The following TIAM1 variants were observed in gnomAD, a reference collection of about 807,000 sequenced individuals.
The protein encoded by TIAM1 is rho guanine nucleotide exchange factor TIAM1.
Under a neutral mutation model 163.5 loss-of-function variants are expected in TIAM1, and 65 were observed. The ratio of observed to expected loss-of-function variants is 0.40; its 90% confidence interval spans 0.33 to 0.49. The LOEUF (loss-of-function observed/expected upper bound fraction) is 0.49. Ranked by LOEUF, TIAM1 falls within the 20% of genes least tolerant of loss-of-function variation. The pLI, the probability that TIAM1 is intolerant of heterozygous loss-of-function variation, is 0.77. For synonymous variants in TIAM1, 833 were observed against 810.1 expected, an observed-to-expected ratio of 1.03 and a Z score of -0.48; for missense variants, 1,789 against 2,044.7, an observed-to-expected ratio of 0.87 and a Z score of 2.41.
chr21:31,535,094 A>AG (rs533149201), intron 1 of TIAM1, among the ~76,000 whole-genome samples: 33 of 151,362 alleles, frequency 2.2e-4, no homozygotes, highest in African/African-American at 7.8e-4. Flanking sequence ...TGTCTCAAAA[A>AG]AAAAAAGGCT....
At chr21:31,283,304 T>C (rs138227245) in intron 2 of TIAM1, among the ~76,000 whole-genome samples, 1 of 152,242 alleles carries the variant, frequency 6.6e-6, no homozygotes, top group African/African-American at 2.4e-5. Flanking sequence ...CAAAGCTTCC[T>C]CCCAACAGGG....
intron 1 of TIAM1, among the ~76,000 whole-genome samples, chr21:31,522,454 G>A (rs2047632924): frequency 6.6e-6 from 1 of 150,928 alleles, no homozygotes; most frequent in Non-Finnish European, 1.5e-5. Flanking sequence ...AGGTTGCGGT[G>A]AGCCGAGATC....
intron 2 of TIAM1, among the ~76,000 whole-genome samples, chr21:31,446,245 T>C (rs1209099283): frequency 1.3e-5 from 2 of 152,122 alleles, no homozygotes; most frequent in African/African-American, 4.8e-5. Context: ...CCTGCCACTG[T>C]GTTTGTTTTT....
chr21:31,157,150 T>C (rs1711648243), intron 16 of TIAM1, among the ~76,000 whole-genome samples: 1 of 152,184 alleles, frequency 6.6e-6, no homozygotes, highest in Non-Finnish European at 1.5e-5. Context: ...ATCACCACGC[T>C]TCTAAATAAA....
At chr21:31,357,749 C>T (rs1463243732) in intron 2 of TIAM1, among the ~76,000 whole-genome samples, 1 of 152,230 alleles carries the variant, frequency 6.6e-6, no homozygotes, top group Non-Finnish European at 1.5e-5. Context: ...CTCAAGGGCA[C>T]TAATGATCTC....
At chr21:31,409,604 AC>A (rs2077310191) in intron 2 of TIAM1, among the ~76,000 whole-genome samples, 1 of 151,384 alleles carries the variant, frequency 6.6e-6, no homozygotes, top group Non-Finnish European at 1.5e-5. Flanking sequence ...CAGCATCACC[AC>A]CCCTCTCAAA....
chr21:31,398,904 G>A (rs964376522), intron 2 of TIAM1, among the ~76,000 whole-genome samples: 2 of 152,198 alleles, frequency 1.3e-5, no homozygotes, highest in African/African-American at 2.4e-5. Flanking sequence ...GGATGGGCCC[G>A]GTGGCTCACG....
chr21:31,215,073 G>C (rs754517728), intron 9 of TIAM1, among the ~76,000 whole-genome samples: 25 of 152,106 alleles, frequency 1.6e-4, no homozygotes, highest in Non-Finnish European at 2.6e-4. Flanking sequence ...ATTGTGCTTT[G>C]ATTTTAGAAA....
rs2086278487 is a variant in TIAM1, at chr21:31,203,004, T to C, written c.2397A>G (p.Gln799=). The change falls in exon 12 of 28, where the codon CAA becomes CAG. Residue 799 remains glutamine, a synonymous_variant. Coordinates refer to ENST00000541036, the MANE Select transcript of TIAM1 (RefSeq NM_001353694.2). The part of the protein sequence containing the change: ...DTLELICKTH[Q]LDHSAHYLRL... ...GCAGGTAATGAGCAGAATGATCCAGTTGATGTGTCTGGGACAAAAAAGAAA... is the reference window on the plus strand; with the variant it reads ...GCAGGTAATGAGCAGAATGATCCAGCTGATGTGTCTGGGACAAAAAAGAAA... 6 of 1,612,486 alleles carry C rather than the reference T, an allele frequency of 3.7e-6. No individual in the cohort carries two copies. The highest frequency in any genetic ancestry group is 4.2e-6 in the Non-Finnish European group (5 of 1,179,814).
chr21:31,294,339 C>A (rs959146314), intron 2 of TIAM1, among the ~76,000 whole-genome samples: 6 of 152,226 alleles, frequency 3.9e-5, no homozygotes, highest in Non-Finnish European at 8.8e-5. Context: ...CCTAACTATA[C>A]CCCTTTCTGA....
In TIAM1 at chr21:31,547,318, T is replaced by A. The variant is rs970366979; in HGVS notation, c.-422+11609A>T. On this transcript the variant is annotated intron_variant, in intron 1 of 28. Transcript: ENST00000286827. ...TGAGCCCATCTTCCAAGAAAGAGACTGTCATTTGTGTATTCTTACTTGAAG... is the reference window on the plus strand; with the variant it reads ...TGAGCCCATCTTCCAAGAAAGAGACAGTCATTTGTGTATTCTTACTTGAAG... 1.2e-4 allele frequency among the ~76,000 whole-genome samples: 18 copies of A among 152,338 alleles called. No individual in the cohort carries two copies. The East Asian group carries it at 3.1e-3, about 26-fold the overall frequency.
chr21:31,301,951 ATG>A lies in TIAM1; in HGVS notation c.-188-25045_-188-25044del, dbSNP rs1287552104. 3.3e-5 allele frequency among the ~76,000 whole-genome samples: 5 copies of A among 150,388 alleles called. No homozygotes were observed. The South Asian group carries it at 8.3e-4, about 25-fold the overall frequency. On this transcript the variant is annotated intron_variant, in intron 2 of 27. Coordinates refer to ENST00000541036, the MANE Select transcript of TIAM1 (RefSeq NM_001353694.2). ...AAAATATATATGTAACATATATAAAATGTGTGTGTATATATGTGTGCGTATAT... is the reference window on the plus strand; with the variant it reads ...AAAATATATATGTAACATATATAAAATGTGTGTATATATGTGTGCGTATAT...
rs372357256 is a variant in TIAM1 at position 31,497,475 on chromosome 21, T to C, written c.-421-33440A>G. On this transcript the variant is annotated intron_variant, in intron 1 of 28. Coordinates refer to the TIAM1 transcript ENST00000286827. Reference sequence around the variant, plus strand: ...AGAAGTGGAGAGGAAAAGGTACTGATATGTATTTATTTGGATGTTATATCC... The same window carrying C: ...AGAAGTGGAGAGGAAAAGGTACTGACATGTATTTATTTGGATGTTATATCC... Among the ~76,000 whole-genome samples, 260 of 152,264 alleles carry C rather than the reference T, an allele frequency of 1.7e-3. 2 individuals are homozygous for C. The highest frequency in any genetic ancestry group is 5.9e-3 in the African/African-American group (245 of 41,548).
chr21:31,211,857 GA>G (rs2086899485), intron 10 of TIAM1, among the ~76,000 whole-genome samples: 1 of 152,200 alleles, frequency 6.6e-6, no homozygotes, highest in Non-Finnish European at 1.5e-5. Context: ...GGATGTGGGA[GA>G]AAGACGTACC....
intron 19 of TIAM1, among the ~76,000 whole-genome samples, chr21:31,147,640 A>G (rs1027233729): frequency 1.4e-5 from 2 of 147,640 alleles, no homozygotes; most frequent in Admixed American, 6.8e-5. Flanking sequence ...CATTATATAT[A>G]GAGATATGTT....
At position 31,152,005 on chromosome 21, in the gene TIAM1, G is replaced by A. The variant is rs895186121; in HGVS notation, c.3366+631C>T. On this transcript the variant is annotated intron_variant, in intron 19 of 27. Coordinates refer to ENST00000541036, the MANE Select transcript of TIAM1 (RefSeq NM_001353694.2). ...AACACGATAAATTAATTTGTTTACTGGGTAACCAGAAGTGCCTTTTTTTTT... is the reference window on the plus strand; with the variant it reads ...AACACGATAAATTAATTTGTTTACTAGGTAACCAGAAGTGCCTTTTTTTTT... Among the ~76,000 whole-genome samples the A allele has an allele frequency of 2.0e-4, 29 of 146,352 alleles. 1 individual carries two copies. Among genetic ancestry groups the A allele is most frequent in the Non-Finnish European group, 3.0e-5 (2 of 67,116 alleles).
At chr21:31,455,228 G>A (rs2045043246) in intron 2 of TIAM1, among the ~76,000 whole-genome samples, 1 of 141,520 alleles carries the variant, frequency 7.1e-6, no homozygotes, top group Non-Finnish European at 1.5e-5. Flanking sequence ...GCAGTGAGGT[G>A]AGATCATACC....
chr21:31,233,875 C>T (rs1054818693), intron 6 of TIAM1, among the ~76,000 whole-genome samples: 28 of 152,166 alleles, frequency 1.8e-4, no homozygotes, highest in East Asian at 3.9e-4. Flanking sequence ...TGCAAAGAGG[C>T]GAACAGATGG....
intron 15 of TIAM1, among the ~76,000 whole-genome samples, chr21:31,174,874 C>T (rs2084689523): frequency 6.6e-6 from 1 of 152,152 alleles, no homozygotes; most frequent in Non-Finnish European, 1.5e-5. Context: ...GTCTTGAACT[C>T]CTGACTTCTG....
Sources: gnomAD v4.1 joint callset for allele counts (sites outside exome capture counted in the v4.1 genomes callset) on GRCh38, gnomAD v4.1.1 for gene constraint, MANE v1.5 for transcripts, NCBI Gene and HGNC (gene_info 2026-07-23, HGNC 2026-07-21) for gene names.